BDP1: variants seen among roughly 807,000 people sequenced by gnomAD.
BDP1 encodes the protein BDP1 general transcription factor IIIB subunit.
A neutral mutation model predicts 266.6 loss-of-function variants in BDP1; 169 were observed. That is an observed-to-expected ratio of 0.63 (90% CI 0.56 to 0.72). BDP1 has a LOEUF of 0.72. Ranked by LOEUF, BDP1 falls within the 30% of genes least tolerant of loss-of-function variation. The pLI, the probability that BDP1 is intolerant of heterozygous loss-of-function variation, is 0.00. For missense variants in BDP1, 3,015 were observed against 3,053.8 expected (o/e 0.99, Z 0.30); for synonymous variants, 1,090 against 1,022.4 (o/e 1.07, Z -1.26).
At chr5:71,541,158 A>G in intron 28 of BDP1, among the ~76,000 whole-genome samples, 1 of 152,148 alleles carries the variant, frequency 6.6e-6, no homozygotes, top group East Asian at 1.9e-4. Flanking sequence ...CTGAGATTAT[A>G]TAATTACTGA....
At chr5:71,564,446 C>G (rs1254681632) in intron 38 of BDP1, among the ~76,000 whole-genome samples, 2 of 151,786 alleles carry the variant, frequency 1.3e-5, no homozygotes, top group Non-Finnish European at 2.9e-5. Context: ...TATGGGTACA[C>G]TGTAATTTAC....
rs746133388 is a variant in BDP1, at chr5:71,545,076, ATGT to A, written c.6605_6607del (p.Leu2202del). On this transcript the variant is annotated inframe_deletion, in exon 32 of 39. Transcript: ENST00000358731. ...AGAAGAGAGCTCTCAGGAGGTTCAC[ATGT>A]TGTCAGTTGCTCCAGTTGCTTCCTC... The A allele has an allele frequency of 6.8e-6, 11 of 1,613,494 alleles. No homozygotes were observed. The highest frequency in any genetic ancestry group is 1.1e-5 in the South Asian group (1 of 91,060).
Position 71,566,278 on chromosome 5 carries a change from G to GT in BDP1, c.*1399dup, listed in dbSNP as rs372333329. ...TTTTTAAAAAGCCAATTTCTTCATA[G>GT]TTTTTTCCCATTAAATTCTCAAGGA... On this transcript the variant is annotated 3_prime_UTR_variant, in exon 39 of 39. Coordinates refer to ENST00000358731, the MANE Select transcript of BDP1 (RefSeq NM_018429.3). 7.9e-5 allele frequency: 12 copies of GT among 152,516 alleles called. No homozygotes were observed. Among genetic ancestry groups the GT allele is most frequent in the African/African-American group, 2.4e-4 (10 of 41,422 alleles). 9.4% of individuals were successfully genotyped at this position (152,516 alleles called of 1,614,324 possible).
rs555167189 is a variant in BDP1, at chr5:71,485,326, A to AT, written c.1070-1158_1070-1157insT. 4.0e-3 allele frequency among the ~76,000 whole-genome samples: 605 copies of AT among 152,202 alleles called. 8 individuals carry two copies. The highest frequency in any genetic ancestry group is 0.014 in the African/African-American group (565 of 41,516). Reference sequence around the variant, plus strand: ...ATTGATTTGGAGGCTTTCTATTGGAAATTTTTTTTTTAAATTAAAACCTAT... The same window carrying AT: ...ATTGATTTGGAGGCTTTCTATTGGAATATTTTTTTTTTAAATTAAAACCTAT... On this transcript the variant is annotated intron_variant, in intron 8 of 38. Transcript: ENST00000358731.
chr5:71,528,836 A>G (rs1457340888), intron 25 of BDP1, among the ~76,000 whole-genome samples: 2 of 152,242 alleles, frequency 1.3e-5, no homozygotes, highest in Non-Finnish European at 2.9e-5. Context: ...AATTTTGTGG[A>G]AAGATATCTG....
intron 18 of BDP1, 112 bp from the exon 19 acceptor site, chr5:71,513,063 CAAAAAAAAAA>C (rs34252624): frequency 3.4e-5 from 14 of 416,750 alleles, no homozygotes; most frequent in Non-Finnish European, 2.7e-5. Context: ...ACCCTGTCTC[CAAAAAAAAAA>C]AAAAAAAAAA....
intron 4 of BDP1, among the ~76,000 whole-genome samples, chr5:71,464,715 G>GTTTTTTTTTT (rs567761591): frequency 1.1e-5 from 1 of 88,088 alleles, no homozygotes; most frequent in Non-Finnish European, 2.2e-5. Flanking sequence ...AAATTTTTTA[G>GTTTTTTTTTT]TTTTTTTTTT....
At chr5:71,555,397 G>A (rs2112021029) in intron 35 of BDP1, among the ~76,000 whole-genome samples, 1 of 150,874 alleles carries the variant, frequency 6.6e-6, no homozygotes, top group South Asian at 2.1e-4. Context: ...TTTGTTCTGG[G>A]GCCAGTATCA....
downstream of BDP1, among the ~76,000 whole-genome samples, chr5:71,570,077 G>A (rs1269012438): frequency 6.6e-6 from 1 of 152,162 alleles, no homozygotes; most frequent in East Asian, 1.9e-4. Flanking sequence ...TCCTACTTCT[G>A]TGTATTCTGG....
intron 25 of BDP1, among the ~76,000 whole-genome samples, chr5:71,526,047 C>A (rs544143049): frequency 3.3e-3 from 499 of 152,284 alleles, no homozygotes; most frequent in Non-Finnish European, 5.6e-3. Flanking sequence ...GGCGGCCGGG[C>A]AGAGGCTGCA....
intron 9 of BDP1, among the ~76,000 whole-genome samples, chr5:71,487,233 G>GT (rs1051864520): frequency 6.6e-6 from 1 of 151,850 alleles, no homozygotes; most frequent in Admixed American, 6.6e-5. Flanking sequence ...CCTTTGTGTT[G>GT]TTTTTTTCTT....
intron 16 of BDP1, among the ~76,000 whole-genome samples, chr5:71,506,583 C>A (rs1459898199): frequency 6.6e-6 from 1 of 151,880 alleles, no homozygotes; most frequent in African/African-American, 2.4e-5. Context: ...TCAAGACAAG[C>A]CTGGACAACA....
chr5:71,525,048 A>G (rs1765716966), intron 25 of BDP1, among the ~76,000 whole-genome samples: 1 of 152,130 alleles, frequency 6.6e-6, no homozygotes, highest in Non-Finnish European at 1.5e-5. Context: ...CTACACAGAC[A>G]CGGCAACCAT....
At chr5:71,520,696 T>C (rs1267935602) in intron 22 of BDP1, among the ~76,000 whole-genome samples, 2 of 152,184 alleles carry the variant, frequency 1.3e-5, no homozygotes, top group Non-Finnish European at 2.9e-5. Flanking sequence ...TTCTAAGTGC[T>C]GATGATGTAG....
Position 71,567,155 on chromosome 5 carries a change from T to G in BDP1, c.*2270T>G, listed in dbSNP as rs1370979874. The G allele has an allele frequency of 5.3e-5, 8 of 152,196 alleles. No individual in the cohort carries two copies. The highest frequency in any genetic ancestry group is 8.8e-5 in the Non-Finnish European group (6 of 68,016). The allele number at this position is 152,196 out of a possible 1,614,324, so 9.4% of individuals were successfully genotyped here. Reference sequence around the variant, plus strand: ...TGAATACCCTGTTTTTGTAAGTTTTTAAAACTCATATTCTGAAAAGATTTC... The same window carrying G: ...TGAATACCCTGTTTTTGTAAGTTTTGAAAACTCATATTCTGAAAAGATTTC... On this transcript the variant is annotated 3_prime_UTR_variant, in exon 39 of 39. Coordinates refer to ENST00000358731, the MANE Select transcript of BDP1 (RefSeq NM_018429.3).
At chr5:71,542,403 T>TA in intron 30 of BDP1, 138 bp downstream of exon 30, 1 of 782,766 alleles carries the variant, frequency 1.3e-6, no homozygotes, top group African/African-American at 1.8e-5. Flanking sequence ...AGACGAGCTA[T>TA]AAAATAAATA....
intron 12 of BDP1, among the ~76,000 whole-genome samples, 171 bp downstream of exon 12, chr5:71,495,579 C>T (rs1313694925): frequency 6.6e-6 from 1 of 152,058 alleles, no homozygotes; most frequent in Non-Finnish European, 1.5e-5. Context: ...AGTGTAACAT[C>T]AGGTGTTTTA....
downstream of BDP1, among the ~76,000 whole-genome samples, chr5:71,571,786 A>C (rs1340567474): frequency 6.6e-6 from 1 of 151,986 alleles, no homozygotes; most frequent in Non-Finnish European, 1.5e-5. Context: ...GGCATGCCCC[A>C]CTATTTTGTA....
chr5:71,510,672 G>C lies in BDP1; in HGVS notation c.3580G>C (p.Glu1194Gln). 6.2e-7 allele frequency: 1 copy of C among 1,613,170 alleles called. No homozygotes were observed. Among genetic ancestry groups the C allele is most frequent in the Non-Finnish European group, 8.5e-7 (1 of 1,179,654 alleles). The change falls in exon 17 of 39, where the codon GAG (glutamate) becomes CAG (glutamine). Residue 1194 changes from glutamate (E) to glutamine (Q), a missense_variant. Transcript: ENST00000358731. Reference protein sequence around the residue: ...EKTREVIDAAEVIETDLEETE... With the variant: ...EKTREVIDAAQVIETDLEETE... Reference sequence around the variant, plus strand: ...GACACGAGAGGTGATTGATGCTGCTGAGGTAATAGAGACAGATTTGGAAGA... The same window carrying C: ...GACACGAGAGGTGATTGATGCTGCTCAGGTAATAGAGACAGATTTGGAAGA...
Sources: gnomAD v4.1 joint callset for allele counts (sites outside exome capture counted in the v4.1 genomes callset) on GRCh38, gnomAD v4.1.1 for gene constraint, MANE v1.5 for transcripts, NCBI Gene and HGNC (gene_info 2026-07-23, HGNC 2026-07-21) for gene names.